The following BLTP1 variants were observed in gnomAD, a reference collection of about 807,000 sequenced individuals.
BLTP1 encodes bridge-like lipid transfer protein family member 1.
chr4:122,243,809 AT>A, the BLTP1 span: 1 of 1,431,520 alleles, frequency 7.0e-7, no homozygotes, highest in Admixed American at 2.8e-5. Context: ...CCAACTTCTA[AT>A]TCATGGTCTT....
At chr4:122,168,308 A>C in the BLTP1 span, among the ~76,000 whole-genome samples, 1 of 152,136 alleles carries the variant, frequency 6.6e-6, no homozygotes, top group Non-Finnish European at 1.5e-5. Context: ...TAGATGAGGT[A>C]TTTTTGGTGG....
At chr4:122,157,174 A>G in the BLTP1 span, among the ~76,000 whole-genome samples, 76 of 152,322 alleles carry the variant, frequency 5.0e-4, no homozygotes, top group African/African-American at 1.7e-3. Flanking sequence ...ATTAGTATCT[A>G]TGGCTAAATA....
At chr4:122,215,276 A>G in the BLTP1 span, 6 of 799,260 alleles carry the variant, frequency 7.5e-6, no homozygotes, top group Non-Finnish European at 9.1e-6. Context: ...ACCCAAGGGT[A>G]TCTTTTTTCT....
the BLTP1 span, among the ~76,000 whole-genome samples, chr4:122,295,058 G>C: frequency 6.6e-6 from 1 of 152,010 alleles, no homozygotes; most frequent in South Asian, 2.1e-4. Context: ...AGGCAGAAAA[G>C]AATAGAGAAA....
chr4:122,325,816 G>GTTTTTTTTTTTTTTTATTT, the BLTP1 span: 1 of 786,100 alleles, frequency 1.3e-6, no homozygotes. Flanking sequence ...TTTTTCATGA[G>GTTTTTTTTTTTTTTTATTT]TTTTTTTTTT....
At chr4:122,210,764 G>C in the BLTP1 span, 3,047 of 1,232,526 alleles carry the variant, frequency 2.5e-3, 9 homozygotes, top group Admixed American at 4.1e-3. Flanking sequence ...ATTATGTAAA[G>C]ATTAGTTGAT....
the BLTP1 span, chr4:122,219,436 A>C: frequency 6.2e-7 from 1 of 1,614,122 alleles, no homozygotes. Context: ...CTCTGGGTGG[A>C]CTGCTGTTGG....
the BLTP1 span, chr4:122,357,004 C>T: frequency 1.0e-6 from 1 of 983,956 alleles, no homozygotes; most frequent in African/African-American, 1.7e-5. Context: ...TCAGTTAGAT[C>T]TTACAGGAGA....
the BLTP1 span, chr4:122,348,435 A>G: frequency 1.3e-6 from 1 of 753,788 alleles, no homozygotes; most frequent in Non-Finnish European, 2.0e-6. Flanking sequence ...TAGGATAACC[A>G]TTAAACATTA....
chr4:122,191,773 G>C, the BLTP1 span, among the ~76,000 whole-genome samples: 2 of 152,024 alleles, frequency 1.3e-5, no homozygotes, highest in African/African-American at 4.8e-5. Context: ...TACGAGGCCA[G>C]ATCTTTTCCA....
chr4:122,205,137 A>G, the BLTP1 span, among the ~76,000 whole-genome samples: 1 of 151,824 alleles, frequency 6.6e-6, no homozygotes, highest in Non-Finnish European at 1.5e-5. Context: ...ATGTAAGATA[A>G]ATTTACTCTG....
the BLTP1 span, chr4:122,359,761 G>T: frequency 1.9e-6 from 3 of 1,543,158 alleles, no homozygotes; most frequent in East Asian, 7.0e-5. Context: ...TATGCTAAGG[G>T]ATTACTATGA....
At chr4:122,219,454 A>G in the BLTP1 span, 3 of 1,614,174 alleles carry the variant, frequency 1.9e-6, no homozygotes, top group Admixed American at 1.7e-5. Context: ...TGGAATGGAA[A>G]ATGACAAAAA....
chr4:122,220,549 C>T, the BLTP1 span: 4 of 1,201,760 alleles, frequency 3.3e-6, no homozygotes, highest in African/African-American at 4.7e-5. Flanking sequence ...GTATTAGCTT[C>T]TGTGCATGGA....
chr4:122,269,899 G>A, the BLTP1 span, among the ~76,000 whole-genome samples: 1 of 151,986 alleles, frequency 6.6e-6, no homozygotes, highest in Non-Finnish European at 1.5e-5. Flanking sequence ...GCCCATGTCA[G>A]GCTTTTACTT....
the BLTP1 span, chr4:122,257,277 T>A: frequency 6.2e-7 from 1 of 1,613,834 alleles, no homozygotes; most frequent in Admixed American, 1.7e-5. Flanking sequence ...CCTGCTTTGG[T>A]AACTTTGAAG....
At chr4:122,300,309 C>T in the BLTP1 span, among the ~76,000 whole-genome samples, 1 of 152,028 alleles carries the variant, frequency 6.6e-6, no homozygotes, top group Non-Finnish European at 1.5e-5. Context: ...GTGCCTGGCC[C>T]AAATATATGT....
At chr4:122,215,295 T>C in the BLTP1 span, 1 of 877,962 alleles carries the variant, frequency 1.1e-6, no homozygotes, top group African/African-American at 1.8e-5. Context: ...CTTTTTACTG[T>C]AATAATCTAC....
the BLTP1 span, among the ~76,000 whole-genome samples, chr4:122,227,904 T>C: frequency 7.3e-5 from 11 of 151,354 alleles, no homozygotes; most frequent in African/African-American, 2.7e-4. Flanking sequence ...GAAGTTTTTA[T>C]GTTGCATTAA....
Sources: allele counts gnomAD v4.1 joint callset (sites outside exome capture counted in the v4.1 genomes callset), GRCh38; gene constraint gnomAD v4.1.1; transcripts MANE v1.5; gene names NCBI Gene and HGNC (gene_info 2026-07-23, HGNC 2026-07-21).